The following PTPRD variants were observed in gnomAD, a reference collection of about 807,000 sequenced individuals.
PTPRD encodes receptor-type tyrosine-protein phosphatase delta.
PTPRD carries 34 observed loss-of-function variants against 214.5 expected under a neutral mutation model. That is an observed-to-expected ratio of 0.16 (90% CI 0.12 to 0.21). The LOEUF (loss-of-function observed/expected upper bound fraction) is 0.21, where lower values mean the gene tolerates loss of function less well. Ranked by LOEUF, PTPRD falls within the 10% of genes least tolerant of loss-of-function variation. The probability of loss-of-function intolerance (pLI) is 1.00; values close to 1 mark genes in which losing one functional copy is unlikely to be tolerated. For missense variants in PTPRD, 2,545 were observed against 2,398.7 expected (o/e 1.06, Z -1.27); for synonymous variants, 1,128 against 845.7 (o/e 1.33, Z -5.79).
At position 10,236,935 on chromosome 9, in the gene PTPRD, C is replaced by G. The variant is rs542003536; in HGVS notation, c.-545+104028G>C. Among the ~76,000 whole-genome samples, 68 of 151,700 alleles carry G rather than the reference C, an allele frequency of 4.5e-4. 1 individual carries two copies. In the South Asian group the frequency reaches 0.013, roughly 29 times the overall value. ...AAAATATTATTCTTTGGTGGGGGGG[C>G]TGAAAAGATGAATAGGTGACTCACA... On this transcript the variant is annotated intron_variant, in intron 3 of 45. Transcript: ENST00000381196.
intron 4 of PTPRD, among the ~76,000 whole-genome samples, chr9:10,018,128 C>A (rs2096761763): frequency 6.7e-6 from 1 of 149,246 alleles, no homozygotes; most frequent in South Asian, 2.1e-4. Context: ...CACAAATACA[C>A]AAAAATAAAG....
chr9:9,183,807 G>C (rs987291439), intron 9 of PTPRD, among the ~76,000 whole-genome samples: 9 of 151,946 alleles, frequency 5.9e-5, no homozygotes, highest in African/African-American at 2.2e-4. Context: ...CTTAAACCTT[G>C]GCAGCCAAGC....
At chr9:9,643,973 G>A (rs936424750) in intron 7 of PTPRD, among the ~76,000 whole-genome samples, 6 of 152,090 alleles carry the variant, frequency 3.9e-5, no homozygotes, top group South Asian at 4.1e-4. Context: ...AAATTCTACT[G>A]TCTGCTTAGT....
At chr9:10,036,512 A>G (rs879547449) in intron 3 of PTPRD, among the ~76,000 whole-genome samples, 4 of 109,952 alleles carry the variant, frequency 3.6e-5, no homozygotes, top group African/African-American at 1.4e-4. Context: ...TCATGCACAC[A>G]CACACACACA....
chr9:9,330,850 G>C (rs1275078049), intron 9 of PTPRD, among the ~76,000 whole-genome samples: 3 of 150,698 alleles, frequency 2.0e-5, no homozygotes, highest in African/African-American at 7.3e-5. Flanking sequence ...GATATTTCTA[G>C]TAATATTGAT....
chr9:10,438,008 C>CATATATATTAT (rs1555347109), intron 2 of PTPRD, among the ~76,000 whole-genome samples: 1 of 125,140 alleles, frequency 8.0e-6, no homozygotes, highest in African/African-American at 3.9e-5. Context: ...CCTAAGTCTA[C>CATATATATTAT]ATATATATAT....
intron 4 of PTPRD, among the ~76,000 whole-genome samples, chr9:9,982,472 GGTGGT>G (rs1210848552): frequency 2.3e-5 from 1 of 44,328 alleles, no homozygotes; most frequent in Non-Finnish European, 3.9e-5. Flanking sequence ...TTGTGGTGGT[GGTGGT>G]GTGTGTGTGT....
chr9:9,484,725 G>GT (rs780654891), intron 8 of PTPRD, among the ~76,000 whole-genome samples: 1 of 152,054 alleles, frequency 6.6e-6, no homozygotes, highest in Non-Finnish European at 1.5e-5. Flanking sequence ...AATTTTACGA[G>GT]GTCATATAGG....
chr9:9,098,745 T>G (rs143033240), intron 10 of PTPRD, among the ~76,000 whole-genome samples: 76 of 152,310 alleles, frequency 5.0e-4, no homozygotes, highest in African/African-American at 1.6e-3. Flanking sequence ...GGATACAACA[T>G]TTTGGGGAAA....
intron 9 of PTPRD, among the ~76,000 whole-genome samples, chr9:9,291,959 C>A (rs971159285): frequency 6.7e-6 from 1 of 150,282 alleles, no homozygotes; most frequent in African/African-American, 2.4e-5. Context: ...ATTCATTTAA[C>A]CTAATTTATG....
chr9:9,694,467 C>T (rs1303517097), intron 7 of PTPRD, among the ~76,000 whole-genome samples: 2 of 151,920 alleles, frequency 1.3e-5, no homozygotes, highest in African/African-American at 4.8e-5. Flanking sequence ...GATGCAAGCT[C>T]CTTTGTGGCC....
intron 10 of PTPRD, among the ~76,000 whole-genome samples, chr9:9,109,938 C>T (rs1044473386): frequency 6.6e-6 from 1 of 151,874 alleles, no homozygotes; most frequent in African/African-American, 2.4e-5. Flanking sequence ...ATAAGGGTCA[C>T]AGGGACAGAG....
At chr9:9,409,185 C>G (rs1447257544) in intron 8 of PTPRD, among the ~76,000 whole-genome samples, 1 of 151,782 alleles carries the variant, frequency 6.6e-6, no homozygotes, top group African/African-American at 2.4e-5. Context: ...GTATACTGTT[C>G]CTACAATATT....
chr9:8,619,642 T>C (rs2095746627), intron 14 of PTPRD, among the ~76,000 whole-genome samples: 1 of 152,112 alleles, frequency 6.6e-6, no homozygotes, highest in Middle Eastern at 3.4e-3. Context: ...CTCCACCCCA[T>C]CTTTTTGTGT....
chr9:8,958,193 G>A (rs1026319957), intron 11 of PTPRD, among the ~76,000 whole-genome samples: 35 of 151,968 alleles, frequency 2.3e-4, no homozygotes, highest in African/African-American at 8.2e-4. Flanking sequence ...CAAAATGGAA[G>A]AAGTTATGTA....
intron 12 of PTPRD, among the ~76,000 whole-genome samples, chr9:8,671,784 C>T (rs982817733): frequency 6.6e-6 from 1 of 152,156 alleles, no homozygotes; most frequent in Non-Finnish European, 1.5e-5. Flanking sequence ...AAACACGCCG[C>T]GTGCCTTTCT....
At chr9:9,569,139 C>T (rs749413741) in intron 8 of PTPRD, among the ~76,000 whole-genome samples, 12 of 151,574 alleles carry the variant, frequency 7.9e-5, no homozygotes, top group East Asian at 7.7e-4. Flanking sequence ...TCATCTGCAG[C>T]GAGTAATAAT....
chr9:8,683,116 A>C (rs1270194869), intron 12 of PTPRD, among the ~76,000 whole-genome samples: 2 of 152,204 alleles, frequency 1.3e-5, no homozygotes. Context: ...AAAGAGCAGC[A>C]GGCTTGGAAG....
At position 9,332,201 on chromosome 9, in the gene PTPRD, T is replaced by A. The variant is rs557578580; in HGVS notation, c.-203+65248A>T. On this transcript the variant is annotated intron_variant, in intron 9 of 45. Transcript: ENST00000381196. ...TATTTGAATCAGTCATTTATGTGCT[T>A]GCTTTCCTCTGAGATGGTGAAAGCC... 2.6e-5 allele frequency among the ~76,000 whole-genome samples: 4 copies of A among 152,054 alleles called. No homozygotes were observed. The South Asian group carries it at 8.3e-4, about 32-fold the overall frequency.
Sources: gnomAD v4.1 joint callset for allele counts (sites outside exome capture counted in the v4.1 genomes callset) on GRCh38, gnomAD v4.1.1 for gene constraint, MANE v1.5 for transcripts, NCBI Gene and HGNC (gene_info 2026-07-23, HGNC 2026-07-21) for gene names.